The following DNM3 variants were observed in gnomAD, a reference collection of about 807,000 sequenced individuals.
DNM3 encodes dynamin-3.
DNM3 carries 47 observed loss-of-function variants against 101.6 expected under a neutral mutation model. The observed-to-expected ratio is 0.46, with a 90% confidence interval of 0.37 to 0.59. The LOEUF is 0.59. Ranked by LOEUF, DNM3 falls within the 20% of genes least tolerant of loss-of-function variation. The pLI, the probability that DNM3 is intolerant of heterozygous loss-of-function variation, is 0.00. For missense variants in DNM3, 849 were observed against 1,085.7 expected, an observed-to-expected ratio of 0.78 and a Z score of 3.06; for synonymous variants, 385 against 387.9, an observed-to-expected ratio of 0.99 and a Z score of 0.09.
chr1:171,953,804 A>T (rs1254150003), intron 2 of DNM3, among the ~76,000 whole-genome samples: 1 of 152,188 alleles, frequency 6.6e-6, no homozygotes, highest in Non-Finnish European at 1.5e-5. Context: ...AGTAGACAGG[A>T]AAGTTGCCAA....
chr1:171,858,476 C>G (rs952753366), intron 1 of DNM3, among the ~76,000 whole-genome samples: 1 of 152,052 alleles, frequency 6.6e-6, no homozygotes, highest in East Asian at 1.9e-4. Context: ...ATGCAGGAAC[C>G]AAATGGATTT....
intron 1 of DNM3, among the ~76,000 whole-genome samples, chr1:171,881,692 A>G (rs2036281883): frequency 6.6e-6 from 1 of 152,212 alleles, no homozygotes; most frequent in South Asian, 2.1e-4. Flanking sequence ...AGATATGCAA[A>G]TGCTAACACC....
chr1:172,160,312 A>G (rs974973913), intron 14 of DNM3, among the ~76,000 whole-genome samples: 1 of 152,110 alleles, frequency 6.6e-6, no homozygotes, highest in Non-Finnish European at 1.5e-5. Context: ...TAAACTTTCA[A>G]ATTTTTAAAA....
chr1:172,245,535 A>G (rs2061918076), intron 14 of DNM3, among the ~76,000 whole-genome samples: 1 of 152,170 alleles, frequency 6.6e-6, no homozygotes, highest in African/African-American at 2.4e-5. Flanking sequence ...CACAGGCTTG[A>G]CTGAGATTTG....
intron 17 of DNM3, chr1:172,376,089 C>T (rs950120444): frequency 3.3e-5 from 5 of 151,996 alleles, no homozygotes; most frequent in East Asian, 3.9e-4. Flanking sequence ...CAAATAATTT[C>T]GGAGAAAGTA....
At chr1:172,262,011 C>T (rs1234492061) in intron 15 of DNM3, among the ~76,000 whole-genome samples, 2 of 152,176 alleles carry the variant, frequency 1.3e-5, no homozygotes, top group Non-Finnish European at 2.9e-5. Context: ...TCTCAGACCC[C>T]TCAGTGGTAC....
intron 14 of DNM3, among the ~76,000 whole-genome samples, chr1:172,203,183 C>A (rs1236253907): frequency 6.6e-6 from 1 of 152,150 alleles, no homozygotes; most frequent in Non-Finnish European, 1.5e-5. Flanking sequence ...TCAATCTCTG[C>A]TGTGATCTGC....
At chr1:172,188,572 C>T (rs543079867) in intron 14 of DNM3, among the ~76,000 whole-genome samples, 14 of 152,168 alleles carry the variant, frequency 9.2e-5, no homozygotes, top group Admixed American at 7.2e-4. Flanking sequence ...TTTACCCATT[C>T]ACCCATAGAG....
chr1:172,144,578 A>G (rs748793594), intron 14 of DNM3: 1 of 532,640 alleles, frequency 1.9e-6, no homozygotes, highest in Non-Finnish European at 3.9e-6. Context: ...ACTACTGTAC[A>G]ACGGCATTGT....
Position 172,038,361 on chromosome 1 carries a change from A to T in DNM3, c.892A>T (p.Asn298Tyr). ...HIRDTLPNFRNKLQGQLLSIE... is the reference protein window; with the variant it reads ...HIRDTLPNFRYKLQGQLLSIE... ...TCGGGATACCCTACCAAACTTCAGG[A>T]ACAAACTACAGGGACAGTTGCTCTC... The change falls in exon 7 of 21, where the codon AAC becomes TAC. Residue 298 changes from asparagine to tyrosine, a missense_variant. Coordinates refer to ENST00000627582, the MANE Select transcript of DNM3 (RefSeq NM_015569.5). 1 of 1,613,444 alleles carries T rather than the reference A, an allele frequency of 6.2e-7. No homozygotes were observed.
At chr1:172,244,607 T>C (rs61807808) in intron 14 of DNM3, among the ~76,000 whole-genome samples, 2 of 152,080 alleles carry the variant, frequency 1.3e-5, no homozygotes, top group Non-Finnish European at 2.9e-5. Context: ...TGAAAAAATG[T>C]TCATCATCAC....
downstream of DNM3, among the ~76,000 whole-genome samples, chr1:172,416,342 C>T (rs1159711398): frequency 4.6e-5 from 7 of 152,070 alleles, no homozygotes; most frequent in East Asian, 1.2e-3. Context: ...GAGCAAAAAC[C>T]CCAACTGCCC....
intron 14 of DNM3, among the ~76,000 whole-genome samples, chr1:172,197,760 G>T (rs550653384): frequency 1.3e-5 from 2 of 152,034 alleles, no homozygotes; most frequent in African/African-American, 4.8e-5. Context: ...CATTGATTTT[G>T]TATCCTGCAA....
intron 13 of DNM3, among the ~76,000 whole-genome samples, chr1:172,126,953 C>T (rs1184012475): frequency 4.6e-5 from 7 of 152,088 alleles, no homozygotes; most frequent in African/African-American, 9.7e-5. Context: ...TTCTACATCA[C>T]GTGTGCAAAG....
chr1:172,110,365 C>T (rs2055376848), intron 13 of DNM3, among the ~76,000 whole-genome samples: 1 of 152,210 alleles, frequency 6.6e-6, no homozygotes, highest in Non-Finnish European at 1.5e-5. Context: ...TGTATATCTA[C>T]TTGTTTAATG....
intron 17 of DNM3, among the ~76,000 whole-genome samples, chr1:172,354,106 T>TGA (rs1261996806): frequency 7.6e-4 from 20 of 26,434 alleles, no homozygotes; most frequent in African/African-American, 1.5e-3. Context: ...TGTGTGTGTG[T>TGA]GTGTGTGAGA....
chr1:172,295,511 A>G (rs1573339317), intron 15 of DNM3, among the ~76,000 whole-genome samples: 2 of 152,162 alleles, frequency 1.3e-5, no homozygotes, highest in African/African-American at 4.8e-5. Flanking sequence ...GAAGTCAGAG[A>G]TTATTTTTGT....
intron 2 of DNM3, among the ~76,000 whole-genome samples, chr1:171,946,157 T>A (rs951119497): frequency 2.6e-5 from 4 of 152,212 alleles, no homozygotes; most frequent in African/African-American, 7.2e-5. Context: ...AAGACCATAT[T>A]GTTAGGAAGC....
intron 13 of DNM3, among the ~76,000 whole-genome samples, chr1:172,109,751 A>G (rs1409028274): frequency 6.6e-6 from 1 of 152,160 alleles, no homozygotes; most frequent in Non-Finnish European, 1.5e-5. Flanking sequence ...TGTTACTTAT[A>G]TGTTCTTTAG....
Sources: allele counts gnomAD v4.1 joint callset (sites outside exome capture counted in the v4.1 genomes callset), GRCh38; gene constraint gnomAD v4.1.1; transcripts MANE v1.5; gene names NCBI Gene and HGNC (gene_info 2026-07-23, HGNC 2026-07-21).